The following ADGRV1 variants were observed in gnomAD, a reference collection of about 807,000 sequenced individuals.
ADGRV1 encodes adhesion G protein-coupled receptor V1.
ADGRV1 carries 359 observed loss-of-function variants against 596.2 expected under a neutral mutation model. That is an observed-to-expected ratio of 0.60 (90% CI 0.55 to 0.66). ADGRV1 has a LOEUF of 0.66. Among genes scored for constraint, ADGRV1 ranks in the 30% least tolerant of loss-of-function variants. The pLI is 0.00. For synonymous variants in ADGRV1, 2,681 were observed against 2,679.2 expected (o/e 1.00, Z -0.02); for missense variants, 7,274 against 7,575.6 (o/e 0.96, Z 1.48).
chr5:90,853,916 T>C (rs1766776648), intron 80 of ADGRV1, 146 bp from the exon 81 acceptor site: 1 of 651,626 alleles, frequency 1.5e-6, no homozygotes, highest in East Asian at 2.7e-5. Context: ...TCAGATGTCC[T>C]GCATGCATAA....
intron 4 of ADGRV1, among the ~76,000 whole-genome samples, chr5:90,621,197 T>A (rs772575108): frequency 7.2e-5 from 11 of 152,338 alleles, no homozygotes; most frequent in Non-Finnish European, 1.5e-4. Context: ...ATCACATTAC[T>A]AATTATAATT....
chr5:90,622,988 G>T (rs150089006), intron 5 of ADGRV1, among the ~76,000 whole-genome samples: 3 of 152,116 alleles, frequency 2.0e-5, no homozygotes, highest in Admixed American at 2.0e-4. Context: ...TGATCCGCCC[G>T]CCTTGGCGTC....
intron 1 of ADGRV1, among the ~76,000 whole-genome samples, chr5:90,608,669 C>A (rs1762386793): frequency 6.6e-6 from 1 of 152,054 alleles, no homozygotes; most frequent in South Asian, 2.1e-4. Flanking sequence ...CAGGCTGTGA[C>A]TGGAGGGTGT....
chr5:90,689,977 G>T lies in ADGRV1; in HGVS notation c.6607G>T (p.Val2203Leu), dbSNP rs1383195821. ...IYPELEESFL[V>L]QLMNETTGGA... The stretch of plus-strand genomic sequence containing the variant: ...TCCTGAACTGGAAGAATCTTTTCTT[G>T]TGCAACTGATGAATGAAACAACAGG... Residue 2203 changes from valine (V) to leucine (L), a missense_variant, in exon 30 of 90, where the codon GTG becomes TTG. Val to Leu is a conservative substitution (Grantham distance 32). This residue lies in a region of ADGRV1 where 3,643 missense variants were observed against 3,809.2 expected (regional missense o/e 0.96). Transcript: ENST00000405460. 6.2e-7 allele frequency: 1 copy of T among 1,609,698 alleles called. No homozygotes were observed. Among genetic ancestry groups the T allele is most frequent in the African/African-American group, 1.3e-5 (1 of 75,020 alleles).
At chr5:90,716,977 T>C (rs1275825743) in intron 43 of ADGRV1, 2 of 277,932 alleles carry the variant, frequency 7.2e-6, no homozygotes, top group African/African-American at 4.3e-5. Context: ...AATATATGTA[T>C]GGCTATTTTA....
chr5:90,823,491 G>A lies in ADGRV1; in HGVS notation c.16263G>A (p.Lys5421=), dbSNP rs201449896. ...TLNKTVVVLQ[K]DGVNLVEELQ... ...ACAAAACAGTCGTCGTGCTCCAGAA[G>A]GATGGGGTAAACCTGGTGGAGGAAC... Residue 5421 remains lysine (K), a synonymous_variant, in exon 76 of 90, where the codon AAG becomes AAA. Transcript: ENST00000405460. The A allele has an allele frequency of 4.3e-6, 7 of 1,613,940 alleles. No homozygotes were observed. The highest frequency in any genetic ancestry group is 4.5e-5 in the East Asian group (2 of 44,874).
intron 87 of ADGRV1, among the ~76,000 whole-genome samples, chr5:91,144,940 T>C (rs906080635): frequency 2.0e-5 from 3 of 152,232 alleles, no homozygotes; most frequent in African/African-American, 7.2e-5. Flanking sequence ...CAGACTGGCA[T>C]ACAAAAGGGA....
In ADGRV1 at chr5:90,638,067, G is replaced by A. The variant is rs1046762890; in HGVS notation, c.2240+119G>A. The stretch of plus-strand genomic sequence containing the variant: ...AGTAAAAAAAAAAGTCAAGTAAATA[G>A]TGTTATACTGGCCTTCAGACTTTTC... On this transcript the variant is annotated intron_variant, in intron 11 of 89. Coordinates refer to ENST00000405460, the MANE Select transcript of ADGRV1 (RefSeq NM_032119.4). 4.5e-6 allele frequency: 3 copies of A among 665,144 alleles called. No individual in the cohort carries two copies. The African/African-American group carries it at 5.5e-5, about 12-fold the overall frequency. The allele number at this position is 665,144 out of a possible 1,614,324, so 41.2% of individuals were successfully genotyped here.
At chr5:91,082,024 A>G (rs1022122244) in intron 86 of ADGRV1, among the ~76,000 whole-genome samples, 11 of 152,204 alleles carry the variant, frequency 7.2e-5, no homozygotes, top group Non-Finnish European at 2.9e-5. Context: ...CTTGATACCC[A>G]TGATAAATAG....
At chr5:90,686,763 A>G (rs1214419568) in intron 29 of ADGRV1, among the ~76,000 whole-genome samples, 1 of 152,118 alleles carries the variant, frequency 6.6e-6, no homozygotes, top group African/African-American at 2.4e-5. Context: ...TGGTATTTCT[A>G]GTTCTAGATC....
chr5:90,761,856 G>T (rs1370714439), intron 58 of ADGRV1, among the ~76,000 whole-genome samples: 1 of 152,152 alleles, frequency 6.6e-6, no homozygotes, highest in Non-Finnish European at 1.5e-5. Flanking sequence ...TCAGCCCTTT[G>T]TGACTTTTTT....
chr5:90,686,828 C>T (rs1342908453), intron 29 of ADGRV1, among the ~76,000 whole-genome samples: 2 of 152,086 alleles, frequency 1.3e-5, no homozygotes, highest in Non-Finnish European at 2.9e-5. Flanking sequence ...TACAGTCCCA[C>T]CAACAGTGTA....
At chr5:90,910,563 CTA>C (rs1444513698) in intron 83 of ADGRV1, among the ~76,000 whole-genome samples, 20 of 42,566 alleles carry the variant, frequency 4.7e-4, no homozygotes, top group Non-Finnish European at 1.8e-3. Context: ...ATCTATCTAT[CTA>C]TCTATCTATC....
intron 87 of ADGRV1, among the ~76,000 whole-genome samples, chr5:91,121,067 G>A (rs974733753): frequency 1.3e-5 from 2 of 152,076 alleles, no homozygotes; most frequent in Admixed American, 1.3e-4. Flanking sequence ...CCAGCTACTC[G>A]GGAGGCTGAG....
In ADGRV1 at chr5:90,776,488, G is replaced by A. The variant is rs201517918; in HGVS notation, c.12439G>A (p.Ala4147Thr). Residue 4147 changes from alanine (A) to threonine (T), a missense_variant, in exon 61 of 90, where the codon GCA (alanine) becomes ACA (threonine). Around this residue, in one of 5 missense-constraint regions of ADGRV1, gnomAD observed 3,643 missense variants for 3,809.2 expected, o/e 0.96. Coordinates refer to ENST00000405460, the MANE Select transcript of ADGRV1 (RefSeq NM_032119.4). ...ASIIIRGDKR[A>T]SGEVGIAPSS... ...AATAATTATTCGGGGTGATAAGCGA[G>A]CATCAGGAGAAGTTGGGATAGCTCC... 13 of 1,613,252 alleles carry A rather than the reference G, an allele frequency of 8.1e-6. No homozygotes were observed. In the Admixed American group the frequency reaches 1.8e-4, roughly 23 times the overall value.
intron 34 of ADGRV1, among the ~76,000 whole-genome samples, chr5:90,703,364 CTT>C (rs1447358646): frequency 6.6e-6 from 1 of 152,040 alleles, no homozygotes; most frequent in African/African-American, 2.4e-5. Context: ...TTACAGAACA[CTT>C]ATGTTCTGGT....
At chr5:90,700,569 G>T (rs1309575249) in intron 34 of ADGRV1, among the ~76,000 whole-genome samples, 1 of 152,096 alleles carries the variant, frequency 6.6e-6, no homozygotes, top group Non-Finnish European at 1.5e-5. Flanking sequence ...TCTGTGCTAG[G>T]TGTTTCTCTC....
intron 83 of ADGRV1, 27 bp downstream of exon 83, chr5:90,863,884 T>A: frequency 7.3e-7 from 1 of 1,370,730 alleles, no homozygotes; most frequent in Non-Finnish European, 1.0e-6. Flanking sequence ...ATTTTTGATT[T>A]ATCGTGAGAT....
intron 27 of ADGRV1, 150 bp from the exon 28 acceptor site, chr5:90,683,435 AG>A: frequency 1.7e-6 from 1 of 586,188 alleles, no homozygotes; most frequent in Non-Finnish European, 2.9e-6. Context: ...AAAGATGGAT[AG>A]TATATGACCC....
Sources: allele counts gnomAD v4.1 joint callset (sites outside exome capture counted in the v4.1 genomes callset), GRCh38; gene constraint gnomAD v4.1.1; regional missense constraint gnomAD v4.1.1; transcripts MANE v1.5; gene names NCBI Gene and HGNC (gene_info 2026-07-23, HGNC 2026-07-21).